Variants in TLR10 observed in about 807,000 individuals in gnomAD.
TLR10 encodes toll-like receptor 10.
For synonymous variants in TLR10, 288 were observed against 338.8 expected, an observed-to-expected ratio of 0.85 and a Z score of 1.65; for missense variants, 929 against 932.9, an observed-to-expected ratio of 1.00 and a Z score of 0.05.
At chr4:38,780,959 T>C (rs2109323723) in intron 1 of TLR10, among the ~76,000 whole-genome samples, 1 of 152,220 alleles carries the variant, frequency 6.6e-6, no homozygotes, top group Non-Finnish European at 1.5e-5. Flanking sequence ...CATGGCCCCT[T>C]AAGAATGCAG....
chr4:38,775,172 T>C lies in TLR10; in HGVS notation c.419A>G (p.Asn140Ser), dbSNP rs1724965284. ...ACCTAGGATTTCCAGGTGTGACATGTTGCCAGCTTCCTCACAGATAGGCAT... is the reference window on the plus strand; with the variant it reads ...ACCTAGGATTTCCAGGTGTGACATGCTGCCAGCTTCCTCACAGATAGGCAT... ...DTMPICEEAG[N>S]MSHLEILGLS... The change falls in exon 4 of 4, where the codon AAC becomes AGC. Residue 140 changes from asparagine to serine, a missense_variant. Transcript: ENST00000308973. The C allele has an allele frequency of 6.2e-7, 1 of 1,613,840 alleles. No individual in the cohort carries two copies. Among genetic ancestry groups the C allele is most frequent in the East Asian group, 2.2e-5 (1 of 44,876 alleles).
intron 1 of TLR10, among the ~76,000 whole-genome samples, chr4:38,778,429 A>AAAATAAT (rs1725197478): frequency 6.7e-6 from 1 of 149,020 alleles, no homozygotes; most frequent in Admixed American, 6.7e-5. Flanking sequence ...CTTACAGTAT[A>AAAATAAT]AAATAAATAA....
intron 1 of TLR10, among the ~76,000 whole-genome samples, chr4:38,778,649 C>A (rs1331017973): frequency 6.6e-6 from 1 of 152,124 alleles, no homozygotes; most frequent in African/African-American, 2.4e-5. Context: ...CCACACCAGG[C>A]TCTCTGAAGG....
chr4:38,777,398 C>T (rs893287856), intron 1 of TLR10, among the ~76,000 whole-genome samples: 1 of 152,004 alleles, frequency 6.6e-6, no homozygotes, highest in South Asian at 2.1e-4. Context: ...GAGAAGAGGT[C>T]GGATCTTATA....
Position 38,773,638 on chromosome 4 carries a change from T to C in TLR10, c.1953A>G (p.Glu651=). Reference sequence around the variant, plus strand: ...CTTCCTTCTCTAGATTGGGGATCAATTCATTCTTCACCCACAGAGAATCAT... The same window carrying C: ...CTTCCTTCTCTAGATTGGGGATCAACTCATTCTTCACCCACAGAGAATCAT... ...SEHDSLWVKN[E]LIPNLEKEDG... is the part of the protein sequence containing the mutation. Residue 651 remains glutamate, a synonymous_variant, in exon 4 of 4, where the codon GAA becomes GAG. Coordinates refer to ENST00000308973, the MANE Select transcript of TLR10 (RefSeq NM_030956.4). 6.2e-7 allele frequency: 1 copy of C among 1,604,558 alleles called. No individual in the cohort carries two copies. The highest frequency in any genetic ancestry group is 8.5e-7 in the Non-Finnish European group (1 of 1,175,722).
rs138645932 is a variant in TLR10 at position 38,775,304 on chromosome 4, T to C, written c.287A>G (p.Lys96Arg). 6,188 of 1,614,114 alleles carry C rather than the reference T, an allele frequency of 3.8e-3. 17 individuals carry two copies. The highest frequency in any genetic ancestry group is 4.7e-3 in the Non-Finnish European group (5,524 of 1,180,010). ...QLDLKTFEFN[K>R]ELRYLDLSNN... ...AGACAAATCTAAATATCTTAACTCC[T>C]TGTTGAATTCAAAGGTTTTGAGATC... The change falls in exon 4 of 4, where the codon AAG becomes AGG. Residue 96 changes from lysine (K) to arginine (R), a missense_variant. Coordinates refer to ENST00000308973, the MANE Select transcript of TLR10 (RefSeq NM_030956.4).
chr4:38,774,035 G>T lies in TLR10; in HGVS notation c.1556C>A (p.Ala519Glu), dbSNP rs149319935. Residue 519 changes from alanine to glutamate, a missense_variant, in exon 4 of 4, where the codon GCG becomes GAG. Physicochemically the swap from Ala to Glu is moderately radical, Grantham distance 107. Coordinates refer to ENST00000308973, the MANE Select transcript of TLR10 (RefSeq NM_030956.4). The part of the protein sequence containing the change: ...QSCQEVKTLN[A>E]GRNPFRCTCE... ...GGTACACCGGAATGGATTTCTTCCC[G>T]CATTTAGAGTTTTAACTTCCTGGCA... 340 of 1,608,688 alleles carry T rather than the reference G, an allele frequency of 2.1e-4. No homozygotes were observed. Among genetic ancestry groups the T allele is most frequent in the Non-Finnish European group, 2.7e-4 (321 of 1,177,148 alleles).
Position 38,773,733 on chromosome 4 carries a change from C to T in TLR10, c.1858G>A (p.Val620Ile). ...AGTTGTTCTTGGGTTGTTTTCCTAA[C>T]CCTGTGCCATGTTTGTGTGCATTGA... ...LGQCTQTWHR[V>I]RKTTQEQLKR... is the part of the protein sequence containing the mutation. Residue 620 changes from valine (V) to isoleucine (I), a missense_variant, in exon 4 of 4, where the codon GTT becomes ATT. Coordinates refer to ENST00000308973, the MANE Select transcript of TLR10 (RefSeq NM_030956.4). The T allele has an allele frequency of 1.9e-6, 3 of 1,613,782 alleles. No individual in the cohort carries two copies. The highest frequency in any genetic ancestry group is 2.5e-6 in the Non-Finnish European group (3 of 1,179,950).
At position 38,773,639 on chromosome 4, in the gene TLR10, T is replaced by G. The variant is rs1268339257; in HGVS notation, c.1952A>C (p.Glu651Ala). Residue 651 changes from glutamate (E) to alanine (A), a missense_variant, in exon 4 of 4, where the codon GAA becomes GCA. Coordinates refer to ENST00000308973, the MANE Select transcript of TLR10 (RefSeq NM_030956.4). ...TTCCTTCTCTAGATTGGGGATCAAT[T>G]CATTCTTCACCCACAGAGAATCATG... is the stretch of plus-strand genomic sequence containing the variant. ...SEHDSLWVKN[E>A]LIPNLEKEDG... is the part of the protein sequence containing the mutation. The G allele has an allele frequency of 6.2e-7, 1 of 1,604,708 alleles. No homozygotes were observed. The highest frequency in any genetic ancestry group is 1.3e-5 in the African/African-American group (1 of 74,638).
Position 38,774,507 on chromosome 4 carries a change from C to G in TLR10, c.1084G>C (p.Asp362His). ...TGGATAGTTCTTTTAAACAACTCGT[C>G]TGTTAAGATATTATTGGCAAAATTT... The part of the protein sequence containing the change: ...YLNFANNILT[D>H]ELFKRTIQLP... Residue 362 changes from aspartate to histidine, a missense_variant, in exon 4 of 4, where the codon GAC becomes CAC. By Grantham distance (81) the Asp-to-His change is moderately conservative. Transcript: ENST00000308973. The G allele has an allele frequency of 6.3e-7, 1 of 1,587,530 alleles. No homozygotes were observed. Among genetic ancestry groups the G allele is most frequent in the East Asian group, 2.2e-5 (1 of 44,678 alleles).
intron 1 of TLR10, among the ~76,000 whole-genome samples, chr4:38,781,195 A>G (rs1725385963): frequency 6.6e-6 from 1 of 152,200 alleles, no homozygotes; most frequent in Admixed American, 6.5e-5. Flanking sequence ...ACATAGAGAC[A>G]GGGTCTCACT....
At position 38,775,651 on chromosome 4, in the gene TLR10, C is replaced by A; in HGVS notation, c.-61G>T. 1 of 1,445,484 alleles carries A rather than the reference C, an allele frequency of 6.9e-7. No homozygotes were observed. The highest frequency in any genetic ancestry group is 9.3e-7 in the Non-Finnish European group (1 of 1,079,342). 89.5% of individuals were successfully genotyped at this position (1,445,484 alleles called of 1,614,324 possible). A position where few individuals can be genotyped will look rare whatever the true frequency, so the allele number is the denominator to read the frequency against. On this transcript the variant is annotated splice_region_variant and 5_prime_UTR_variant, in exon 4 of 4. Transcript: ENST00000308973. ...ATGAATGATGAAGATGAGCTCAAAA[C>A]CCTAAAAAAAAGTATATAATATTAG...
At chr4:38,778,424 A>C (rs1725196114) in intron 1 of TLR10, among the ~76,000 whole-genome samples, 1 of 147,972 alleles carries the variant, frequency 6.8e-6, no homozygotes, top group Admixed American at 6.9e-5. Flanking sequence ...CAGAACTTAC[A>C]GTATAAAATA....
intron 1 of TLR10, among the ~76,000 whole-genome samples, chr4:38,777,017 C>G (rs1050917105): frequency 6.6e-6 from 1 of 152,054 alleles, no homozygotes; most frequent in African/African-American, 2.4e-5. Flanking sequence ...GGGAAAGACC[C>G]GCCCCCATGA....
Position 38,773,803 on chromosome 4 carries a change from G to C in TLR10, c.1788C>G (p.Phe596Leu). 1 of 1,597,270 alleles carries C rather than the reference G, an allele frequency of 6.3e-7. No individual in the cohort carries two copies. The highest frequency in any genetic ancestry group is 8.5e-7 in the Non-Finnish European group (1 of 1,172,600). Residue 596 changes from phenylalanine to leucine, a missense_variant, in exon 4 of 4, where the codon TTC (phenylalanine) becomes TTG (leucine). Phe to Leu is a conservative substitution (Grantham distance 22). Coordinates refer to ENST00000308973, the MANE Select transcript of TLR10 (RefSeq NM_030956.4). ...IMLVLGLAVA[F>L]CCLHFDLPWY... is the part of the protein sequence containing the mutation. ...AGGGCAGATCAAAGTGGAGACAGCA[G>C]AAGGCCACAGCCAACCCCAGAACTA...
In TLR10 at chr4:38,773,934, A is replaced by G. The variant is rs1724834611; in HGVS notation, c.1657T>C (p.Cys553Arg). 6.3e-7 allele frequency: 1 copy of G among 1,583,042 alleles called. No individual in the cohort carries two copies. The highest frequency in any genetic ancestry group is 8.6e-7 in the Non-Finnish European group (1 of 1,165,158). ...MMVGWSDSYT[C>R]EYPLNLRGTR... ...CCCCTTAGGTTTAAAGGGTATTCAC[A>G]GGTGTATGAATCTGACCATCCAACC... The change falls in exon 4 of 4, where the codon TGT (cysteine) becomes CGT (arginine). Residue 553 changes from cysteine (C) to arginine (R), a missense_variant. By Grantham distance (180) the Cys-to-Arg change is radical. Coordinates refer to ENST00000308973, the MANE Select transcript of TLR10 (RefSeq NM_030956.4).
rs1227453621 is a variant in TLR10, at chr4:38,774,454, C to T, written c.1137G>A (p.Leu379=). The stretch of plus-strand genomic sequence containing the variant: ...AAAGTGTCTCCAGTTTATTGCCATT[C>T]AAAATGAGAGTTTTCAAGTGAGGCA... ...IQLPHLKTLI[L]NGNKLETLSL... Residue 379 remains leucine (L), a synonymous_variant, in exon 4 of 4, where the codon TTG becomes TTA. Coordinates refer to ENST00000308973, the MANE Select transcript of TLR10 (RefSeq NM_030956.4). 3.7e-6 allele frequency: 6 copies of T among 1,611,306 alleles called. No individual in the cohort carries two copies. The South Asian group carries it at 5.5e-5, about 15-fold the overall frequency.
intron 3 of TLR10, 49 bp downstream of exon 3, chr4:38,775,726 A>T (rs74960301): frequency 2.2e-6 from 2 of 903,962 alleles, no homozygotes; most frequent in Admixed American, 3.4e-5. Context: ...TGCAAAAAAA[A>T]TGCCAACATC....
rs2109306347 is a variant in TLR10 at position 38,774,316 on chromosome 4, A to G, written c.1275T>C (p.Asn425=). Residue 425 remains asparagine, a synonymous_variant, in exon 4 of 4, where the codon AAT becomes AAC. Coordinates refer to ENST00000308973, the MANE Select transcript of TLR10 (RefSeq NM_030956.4). ...ENCSWPETVV[N]MNLSYNKLSD... is the part of the protein sequence containing the mutation. ...ACAATTTATTGTATGACAGATTCAT[A>G]TTGACCACAGTTTCTGGCCATGAGC... The G allele has an allele frequency of 3.7e-6, 6 of 1,611,518 alleles. No individual in the cohort carries two copies. Among genetic ancestry groups the G allele is most frequent in the Non-Finnish European group, 5.1e-6 (6 of 1,179,208 alleles).
Sources: allele counts gnomAD v4.1 joint callset (sites outside exome capture counted in the v4.1 genomes callset), GRCh38; gene constraint gnomAD v4.1.1; transcripts MANE v1.5; gene names NCBI Gene and HGNC (gene_info 2026-07-23, HGNC 2026-07-21).